The following CACNA1S variants were observed in gnomAD, a reference collection of about 807,000 sequenced individuals.
CACNA1S encodes calcium voltage-gated channel subunit alpha1 S, also known as voltage-dependent L-type calcium channel subunit alpha-1S.
Under a neutral mutation model 207.4 loss-of-function variants are expected in CACNA1S, and 126 were observed. That is an observed-to-expected ratio of 0.61 (90% CI 0.53 to 0.70). The LOEUF (loss-of-function observed/expected upper bound fraction) is 0.70, where lower values mean the gene tolerates loss of function less well. Ranked by LOEUF, CACNA1S falls within the 30% of genes least tolerant of loss-of-function variation. The pLI is 0.00. For synonymous variants in CACNA1S, 960 were observed against 932.7 expected (o/e 1.03, Z -0.53); for missense variants, 2,349 against 2,422.8 (o/e 0.97, Z 0.64).
chr1:201,064,895 G>T (rs1465311476), intron 22 of CACNA1S, among the ~76,000 whole-genome samples: 1 of 152,232 alleles, frequency 6.6e-6, no homozygotes, highest in East Asian at 1.9e-4. Flanking sequence ...TGTGGATGAT[G>T]CCAGACATAC....
At position 201,061,359 on chromosome 1, in the gene CACNA1S, A is replaced by C. The variant is rs780977987; in HGVS notation, c.3163T>G (p.Phe1055Val). The C allele has an allele frequency of 6.2e-7, 1 of 1,614,226 alleles. No homozygotes were observed. The highest frequency in any genetic ancestry group is 1.1e-5 in the South Asian group (1 of 91,084). ...AAGCCCACAAAGATGTTCATCATGA[A>C]GAAGGCAATGAGGATGATGTAGATG... The part of the protein sequence containing the change: ...FIIYIILIAF[F>V]MMNIFVGFVI... Residue 1055 changes from phenylalanine to valine, a missense_variant, in exon 25 of 44, where the codon TTC becomes GTC. By Grantham distance (50) the Phe-to-Val change is conservative. Coordinates refer to ENST00000362061, the MANE Select transcript of CACNA1S (RefSeq NM_000069.3).
intron 18 of CACNA1S, 56 bp downstream of exon 18, chr1:201,069,416 G>A (rs1454990069): frequency 6.2e-7 from 1 of 1,600,504 alleles, no homozygotes; most frequent in African/African-American, 1.3e-5. Flanking sequence ...CTGGGCACCA[G>A]ACTGAGGCTG....
intron 5 of CACNA1S, among the ~76,000 whole-genome samples, chr1:201,090,367 G>C (rs3767513): frequency 0.35 from 52,777 of 152,090 alleles, 10,480 homozygotes; most frequent in South Asian, 0.45. Context: ...CTTATGATAG[G>C]ATGTAGATTG....
At chr1:201,049,348 G>C (rs1437679815) in intron 34 of CACNA1S, among the ~76,000 whole-genome samples, 2 of 152,234 alleles carry the variant, frequency 1.3e-5, no homozygotes, top group African/African-American at 2.4e-5. Flanking sequence ...TCAGATATGG[G>C]ATAACCAGGT....
rs747507159 is a variant in CACNA1S, at chr1:201,039,926, C to G, written c.5527G>C (p.Ala1843Pro). 6.2e-7 allele frequency: 1 copy of G among 1,614,106 alleles called. No individual in the cohort carries two copies. The highest frequency in any genetic ancestry group is 1.7e-5 in the Admixed American group (1 of 60,038). The part of the protein sequence containing the change: ...LKGREAPEGM[A>P]SSLGCLNLGS... ...AGGTTCAGGCATCCCAGGGAGCTGG[C>G]CATGCCCTCTGGGGCCTCTCGTCCT... The change falls in exon 44 of 44, where the codon GCC (alanine) becomes CCC (proline). Residue 1843 changes from alanine (A) to proline (P), a missense_variant. Ala to Pro is a conservative substitution (Grantham distance 27, BLOSUM62 -1). Transcript: ENST00000362061.
intron 28 of CACNA1S, among the ~76,000 whole-genome samples, chr1:201,057,595 T>C (rs1274256448): frequency 2.0e-5 from 3 of 152,032 alleles, no homozygotes; most frequent in Non-Finnish European, 4.4e-5. Flanking sequence ...AATGAGTGAG[T>C]CTTCTAACTG....
intron 19 of CACNA1S, among the ~76,000 whole-genome samples, chr1:201,068,304 A>G (rs961482335): frequency 2.3e-4 from 28 of 120,098 alleles, no homozygotes; most frequent in Admixed American, 1.9e-3. Flanking sequence ...GTGCAGTGGC[A>G]TGATCTCAGC....
At chr1:201,068,575 G>C (rs1661335413) in intron 19 of CACNA1S, among the ~76,000 whole-genome samples, 1 of 149,410 alleles carries the variant, frequency 6.7e-6, no homozygotes, top group Non-Finnish European at 1.5e-5. Flanking sequence ...CTGTATGGAA[G>C]AAAAATGCGA....
In CACNA1S at chr1:201,085,541, T is replaced by C. The variant is rs752737494; in HGVS notation, c.1045A>G (p.Thr349Ala). 5 of 1,613,264 alleles carry C rather than the reference T, an allele frequency of 3.1e-6. No individual in the cohort carries two copies. The East Asian group carries it at 8.9e-5, about 29-fold the overall frequency. ...KEREKAKSRG[T>A]FQKLREKQQL... The stretch of plus-strand genomic sequence containing the variant: ...TGCTTCTCCCGGAGCTTCTGGAAGG[T>C]TCCCCTGGACTTGGCCTTCTCCCGC... Residue 349 changes from threonine to alanine, a missense_variant, in exon 8 of 44, where the codon ACC (threonine) becomes GCC (alanine). Transcript: ENST00000362061.
rs371142953 is a variant in CACNA1S at position 201,053,144 on chromosome 1, T to A, written c.3861+65A>T. On this transcript the variant is annotated intron_variant, in intron 31 of 43. Coordinates refer to ENST00000362061, the MANE Select transcript of CACNA1S (RefSeq NM_000069.3). The surrounding 1 kb of genome is among the most constrained non-coding windows in gnomAD (Gnocchi z 5.1). ...CGTGTGCTGCTCAGGCTCCTCAGGG[T>A]CCACTGATGCCCCCTCTAACTTGGC... The A allele has an allele frequency of 8.3e-5, 130 of 1,559,796 alleles. No individual in the cohort carries two copies. Among genetic ancestry groups the A allele is most frequent in the Middle Eastern group, 1.7e-4 (1 of 5,990 alleles).
chr1:201,092,011 G>A lies in CACNA1S; in HGVS notation c.502C>T (p.Arg168Ter), dbSNP rs201998231. 1.1e-5 allele frequency: 17 copies of A among 1,614,008 alleles called. No individual in the cohort carries two copies. Among genetic ancestry groups the A allele is most frequent in the Non-Finnish European group, 1.3e-5 (15 of 1,180,012 alleles). The change falls in exon 4 of 44, where the codon CGA becomes TGA. Residue 168 changes from arginine to a stop codon, truncating the protein, a stop_gained. Coordinates refer to ENST00000362061, the MANE Select transcript of CACNA1S (RefSeq NM_000069.3). LOFTEE classifies it high-confidence loss of function. ...GLDVKALRAF[R>*]VLRPLRLVSG... ...ACCAGCCGGAGGGGTCTGAGCACTC[G>A]GAAGGCTCTGAGGGCCTTGACATCC...
intron 36 of CACNA1S, 35 bp from the exon 37 acceptor site, chr1:201,047,661 A>T (rs1007495323): frequency 3.5e-6 from 5 of 1,408,932 alleles, no homozygotes; most frequent in Non-Finnish European, 4.0e-6. Context: ...TACCCAGATC[A>T]CACCAACTGC....
intron 12 of CACNA1S, 36 bp downstream of exon 12, chr1:201,076,884 C>G (rs775846166): frequency 6.3e-7 from 1 of 1,578,412 alleles, no homozygotes; most frequent in Non-Finnish European, 8.7e-7. Flanking sequence ...ATTCAGCAAC[C>G]GTTCAGAAGG....
In CACNA1S at chr1:201,047,644, CAA is replaced by C; in HGVS notation, c.4442-20_4442-19del. ...AAAGTTACCTGGAGCAGGAGAAAGG[CAA>C]AAGTTACCCAGATCACACCAACTGC... is the stretch of plus-strand genomic sequence containing the variant. On this transcript the variant is annotated intron_variant, in intron 36 of 43. Coordinates refer to ENST00000362061, the MANE Select transcript of CACNA1S (RefSeq NM_000069.3). 1 of 1,573,508 alleles carries C rather than the reference CAA, an allele frequency of 6.4e-7. No homozygotes were observed. The highest frequency in any genetic ancestry group is 2.2e-5 in the East Asian group (1 of 44,686).
intron 19 of CACNA1S, among the ~76,000 whole-genome samples, chr1:201,067,965 T>A (rs796345983): frequency 1.4e-4 from 21 of 152,324 alleles, no homozygotes; most frequent in African/African-American, 4.6e-4. Context: ...CGGGGGCTAC[T>A]GGGTTTCAGT....
In CACNA1S at chr1:201,085,642, T is replaced by C. The variant is rs968139926; in HGVS notation, c.1005-61A>G. The C allele has an allele frequency of 2.5e-5, 39 of 1,589,284 alleles. No homozygotes were observed. The African/African-American group carries it at 4.7e-4, about 19-fold the overall frequency. On this transcript the variant is annotated intron_variant, in intron 7 of 43. Coordinates refer to ENST00000362061, the MANE Select transcript of CACNA1S (RefSeq NM_000069.3). ...AGAGGGAACAGTGTCAAGGAAAGAC[T>C]GAGCTTCCTGAGGACAGACAAGCCC...
intron 40 of CACNA1S, chr1:201,041,884 C>A (rs1275692785): frequency 1.1e-5 from 5 of 473,262 alleles, no homozygotes; most frequent in Middle Eastern, 6.1e-4. Context: ...GCCTTTGGAA[C>A]CCTGCTTCTC....
In CACNA1S at chr1:201,061,303, C is replaced by G. The variant is rs925569197; in HGVS notation, c.3219G>C (p.Glu1073Asp). The G allele has an allele frequency of 6.2e-7, 1 of 1,614,062 alleles. No homozygotes were observed. Among genetic ancestry groups the G allele is most frequent in the Non-Finnish European group, 8.5e-7 (1 of 1,180,044 alleles). The change falls in exon 25 of 44, where the codon GAG (glutamate) becomes GAC (aspartate). Residue 1073 changes from glutamate (E) to aspartate (D), a missense_variant. Glu to Asp is a conservative substitution (Grantham distance 45, BLOSUM62 2). Coordinates refer to ENST00000362061, the MANE Select transcript of CACNA1S (RefSeq NM_000069.3). ...CCAGCTCACAGTTCTTGTACTCAGT[C>G]TCTCCCTGCTCCTGGAAGGTGACAA... ...FVIVTFQEQG[E>D]TEYKNCELDK...
rs1321758236 is a variant in CACNA1S at position 201,043,496 on chromosome 1, G to A, written c.4833C>T (p.Phe1611=). The A allele has an allele frequency of 6.2e-7, 1 of 1,614,004 alleles. No individual in the cohort carries two copies. The highest frequency in any genetic ancestry group is 1.7e-5 in the Admixed American group (1 of 60,008). Residue 1611 remains phenylalanine, a synonymous_variant, in exon 40 of 44, where the codon TTC becomes TTT. Coordinates refer to ENST00000362061, the MANE Select transcript of CACNA1S (RefSeq NM_000069.3). ...TGGLFGQVDN[F]LERTNSLPPV... ...GGGGCAGGGAGTTGGTCCTTTCCAG[G>A]AAGTTGTCCACCTGGCCAAACAGGC... is the stretch of plus-strand genomic sequence containing the variant.
Sources: allele counts gnomAD v4.1 joint callset (sites outside exome capture counted in the v4.1 genomes callset), GRCh38; gene constraint gnomAD v4.1.1; non-coding constraint Gnocchi (gnomAD v3.1); transcripts MANE v1.5; gene names NCBI Gene and HGNC (gene_info 2026-07-23, HGNC 2026-07-21).